Variants in IARS1 observed in about 807,000 individuals in gnomAD.
The protein encoded by IARS1 is isoleucine--tRNA ligase, cytoplasmic.
Under a neutral mutation model 168.2 loss-of-function variants are expected in IARS1, and 124 were observed. The observed-to-expected ratio is 0.74, with a 90% CI of 0.64 to 0.86. IARS1 has a LOEUF of 0.86. Ranked by LOEUF, IARS1 falls within the 40% of genes least tolerant of loss-of-function variation. The pLI, the probability that IARS1 is intolerant of heterozygous loss-of-function variation, is 0.00. For missense variants in IARS1, 1,452 were observed against 1,515.8 expected, an observed-to-expected ratio of 0.96 and a Z score of 0.70; for synonymous variants, 532 against 529.4, an observed-to-expected ratio of 1.00 and a Z score of -0.07.
chr9:92,292,927 T>TA (rs1836607835), intron 1 of IARS1, among the ~76,000 whole-genome samples: 1 of 152,324 alleles, frequency 6.6e-6, no homozygotes, highest in East Asian at 1.9e-4. Flanking sequence ...TCCCATTACT[T>TA]AGGCATGACA....
At position 92,221,390 on chromosome 9, in the gene IARS1, G is replaced by T. The variant is rs11792542; in HGVS notation, c.3706+1130C>A. Among the ~76,000 whole-genome samples, 23 of 152,230 alleles carry T rather than the reference G, an allele frequency of 1.5e-4. No individual in the cohort carries two copies. In the South Asian group the frequency reaches 4.8e-3, roughly 32 times the overall value. ...AAGCCCAATAAATCCCAGGCTATCAGGTGTTACAAATAAAAGGATGGGATG... is the reference window on the plus strand; with the variant it reads ...AAGCCCAATAAATCCCAGGCTATCATGTGTTACAAATAAAAGGATGGGATG... On this transcript the variant is annotated intron_variant, in intron 33 of 33. Coordinates refer to ENST00000443024, the MANE Select transcript of IARS1 (RefSeq NM_002161.6).
chr9:92,286,430 A>G (rs1835473439), intron 5 of IARS1, 106 bp downstream of exon 5: 2 of 629,962 alleles, frequency 3.2e-6, no homozygotes, highest in East Asian at 5.6e-5. Flanking sequence ...TTTCAGAGAA[A>G]TAACGATGGA....
chr9:92,261,889 T>C (rs948285939), intron 17 of IARS1, among the ~76,000 whole-genome samples: 4 of 151,992 alleles, frequency 2.6e-5, no homozygotes, highest in Non-Finnish European at 5.9e-5. Flanking sequence ...TAGCTGGGGT[T>C]ACAGGTGTGT....
chr9:92,288,374 C>CAAG (rs111900522), intron 2 of IARS1, 92 bp from the exon 3 acceptor site: 39,798 of 1,051,278 alleles, frequency 0.038, 1,054 homozygotes, highest in South Asian at 0.072. Context: ...GTGGAGTCTT[C>CAAG]AAGGAGAAAA....
At chr9:92,220,438 TA>T (rs1333051717) in intron 33 of IARS1, among the ~76,000 whole-genome samples, 3 of 151,656 alleles carry the variant, frequency 2.0e-5, no homozygotes, top group East Asian at 1.9e-4. Context: ...ATAATAATCA[TA>T]AAAAAATAAT....
rs772594666 is a variant in IARS1, at chr9:92,274,457, C to T, written c.959G>A (p.Gly320Glu). 1 of 1,613,928 alleles carries T rather than the reference C, an allele frequency of 6.2e-7. No individual in the cohort carries two copies. Among genetic ancestry groups the T allele is most frequent in the Non-Finnish European group, 8.5e-7 (1 of 1,179,844 alleles). The change falls in exon 10 of 34, where the codon GGG (glycine) becomes GAG (glutamate). Residue 320 changes from glycine to glutamate, a missense_variant. Physicochemically the swap from Gly to Glu is moderately conservative, Grantham distance 98 (BLOSUM62 -2). Coordinates refer to ENST00000443024, the MANE Select transcript of IARS1 (RefSeq NM_002161.6). ...DNYVKEEEGTGVVHQAPYFGA... is the reference protein window; with the variant it reads ...DNYVKEEEGTEVVHQAPYFGA... ...GAAGTAAGGAGCTTGGTGGACAACC[C>T]CTGTGCCTTCTTCTTCCTTCACATA...
intron 1 of IARS1, 158 bp downstream of exon 1, chr9:92,293,453 G>A (rs376256296): frequency 7.3e-5 from 39 of 532,460 alleles, no homozygotes; most frequent in African/African-American, 6.6e-4. Context: ...CATTCAAAAA[G>A]GCGACCATAA....
intron 14 of IARS1, 87 bp from the exon 15 acceptor site, chr9:92,265,640 TGA>T (rs1165432234): frequency 9.8e-7 from 1 of 1,015,852 alleles, no homozygotes; most frequent in East Asian, 2.4e-5. Flanking sequence ...ATGTTTACTT[TGA>T]GAGACTGATG....
chr9:92,242,558 G>C (rs1828593503), intron 28 of IARS1: 3 of 513,142 alleles, frequency 5.8e-6, no homozygotes, highest in Non-Finnish European at 1.0e-5. Flanking sequence ...TCTTTTCCTA[G>C]AACAATCAGT....
chr9:92,232,081 A>C (rs1218922741), intron 30 of IARS1, among the ~76,000 whole-genome samples: 1 of 152,202 alleles, frequency 6.6e-6, no homozygotes, highest in Non-Finnish European at 1.5e-5. Flanking sequence ...AATCTCATCT[A>C]TTAAACTTTT....
At chr9:92,253,539 C>T in intron 20 of IARS1, 86 bp from the exon 21 acceptor site, 2 of 794,570 alleles carry the variant, frequency 2.5e-6, no homozygotes, top group Non-Finnish European at 4.4e-6. Context: ...AAAGAAGGGG[C>T]AGCTCCTTCC....
At chr9:92,221,752 C>T (rs1250772187) in intron 33 of IARS1, among the ~76,000 whole-genome samples, 2 of 152,164 alleles carry the variant, frequency 1.3e-5, no homozygotes, top group African/African-American at 2.4e-5. Flanking sequence ...AATATGTCAA[C>T]TGATGATCTA....
intron 17 of IARS1, among the ~76,000 whole-genome samples, chr9:92,261,645 T>G (rs553495654): frequency 6.6e-6 from 1 of 152,250 alleles, no homozygotes; most frequent in Non-Finnish European, 1.5e-5. Context: ...TGATATATAC[T>G]GTAGTTTTGC....
At chr9:92,249,232 C>T (rs1829670468) in intron 25 of IARS1, among the ~76,000 whole-genome samples, 1 of 152,108 alleles carries the variant, frequency 6.6e-6, no homozygotes, top group African/African-American at 2.4e-5. Context: ...TTTGGAGGAA[C>T]AAAGTTTCTT....
intron 4 of IARS1, 156 bp downstream of exon 4, chr9:92,287,635 A>T: frequency 1.4e-6 from 1 of 728,674 alleles, no homozygotes; most frequent in Non-Finnish European, 2.1e-6. Context: ...GGTTCAGTTT[A>T]AGCTAACCGT....
chr9:92,215,460 G>A (rs1430366185), intron 33 of IARS1, among the ~76,000 whole-genome samples: 2 of 152,146 alleles, frequency 1.3e-5, no homozygotes, highest in East Asian at 1.9e-4. Context: ...GGCTTCAGAC[G>A]ATCAAATTAC....
At chr9:92,282,438 A>C (rs1235195200) in intron 6 of IARS1, among the ~76,000 whole-genome samples, 2 of 152,024 alleles carry the variant, frequency 1.3e-5, no homozygotes, top group African/African-American at 4.8e-5. Flanking sequence ...AATAGCTGGG[A>C]CTACAGGTGT....
In IARS1 at chr9:92,242,254, A is replaced by C. The variant is rs771704889; in HGVS notation, c.3077T>G (p.Ile1026Ser). The change falls in exon 29 of 34, where the codon ATT becomes AGT. Residue 1026 changes from isoleucine to serine, a missense_variant. Physicochemically the swap from Ile to Ser is moderately radical, Grantham distance 142 (BLOSUM62 -2). Transcript: ENST00000443024. ...KSEGTYLNSV[I>S]ESHTEFIFTT... ...AAATATGAACTCTGTGTGGCTTTCA[A>C]TAACACTATTCAGATATGTTCCTTC... The C allele has an allele frequency of 2.5e-6, 4 of 1,613,908 alleles. No homozygotes were observed. Among genetic ancestry groups the C allele is most frequent in the Non-Finnish European group, 3.4e-6 (4 of 1,179,714 alleles).
rs1432693262 is a variant in IARS1, at chr9:92,240,790, G to A, written c.3283+66C>T. ...TTAAAAACATCCATAAGTTTTTTTG[G>A]TTGTTTTTTCACATCCATAAGTATA... On this transcript the variant is annotated intron_variant, in intron 30 of 33. Transcript: ENST00000443024. 8 of 916,426 alleles carry A rather than the reference G, an allele frequency of 8.7e-6. No homozygotes were observed. The South Asian group carries it at 1.1e-4, about 12-fold the overall frequency. The allele number at this position is 916,426 out of a possible 1,614,324, so 56.8% of individuals were successfully genotyped here.
Sources: allele counts gnomAD v4.1 joint callset (sites outside exome capture counted in the v4.1 genomes callset), GRCh38; gene constraint gnomAD v4.1.1; transcripts MANE v1.5; gene names NCBI Gene and HGNC (gene_info 2026-07-23, HGNC 2026-07-21).